The following DOCK1 variants were observed in gnomAD, a reference collection of about 807,000 sequenced individuals.
DOCK1 encodes dedicator of cytokinesis 1, also known as dedicator of cytokinesis protein 1.
DOCK1 carries 138 observed loss-of-function variants against 262.7 expected under a neutral mutation model. That is an observed-to-expected ratio of 0.53 (90% CI 0.46 to 0.61). DOCK1 has a LOEUF of 0.61. DOCK1 is among the 20% of genes least tolerant of loss of function. The pLI is 0.00. For missense variants in DOCK1, 1,908 were observed against 2,370.7 expected (o/e 0.80, Z 4.05); for synonymous variants, 866 against 867.4 (o/e 1.00, Z 0.03).
chr10:127,203,468 G>A (rs756312340), intron 27 of DOCK1, among the ~76,000 whole-genome samples: 3 of 152,012 alleles, frequency 2.0e-5, no homozygotes, highest in African/African-American at 4.8e-5. Flanking sequence ...TATTTATTTC[G>A]CAGCGTGGCT....
chr10:127,146,624 C>T (rs2051880504), intron 27 of DOCK1, among the ~76,000 whole-genome samples: 1 of 152,262 alleles, frequency 6.6e-6, no homozygotes, highest in Admixed American at 6.5e-5. Context: ...TACCCTGTCA[C>T]TCACCATAAA....
In DOCK1 at chr10:127,433,328, G is replaced by T. The variant is rs542877171; in HGVS notation, c.4960G>T (p.Val1654Leu). Residue 1654 changes from valine to leucine, a missense_variant, in exon 48 of 52, where the codon GTG (valine) becomes TTG (leucine). Coordinates refer to ENST00000623213, the MANE Select transcript of DOCK1 (RefSeq NM_001290223.2). The part of the protein sequence containing the change: ...DRRGSRPRSM[V>L]RSFTMPSSSR... Reference sequence around the variant, plus strand: ...AAGAGGCAGCCGCCCCCGGTCCATGGTGCGGTCCTTCACGATGCCTTCCTC... The same window carrying T: ...AAGAGGCAGCCGCCCCCGGTCCATGTTGCGGTCCTTCACGATGCCTTCCTC... The T allele has an allele frequency of 1.9e-6, 3 of 1,613,972 alleles. No individual in the cohort carries two copies. In the South Asian group the frequency reaches 3.3e-5, roughly 18 times the overall value.
At chr10:126,972,216 T>A (rs2038166943) in intron 2 of DOCK1, among the ~76,000 whole-genome samples, 1 of 152,228 alleles carries the variant, frequency 6.6e-6, no homozygotes, top group African/African-American at 2.4e-5. Context: ...GTGCCCGTCC[T>A]GAAGCAATTG....
intron 2 of DOCK1, among the ~76,000 whole-genome samples, chr10:126,973,860 T>C (rs1003849756): frequency 6.6e-6 from 1 of 152,236 alleles, no homozygotes; most frequent in Non-Finnish European, 1.5e-5. Context: ...AGATGACTTT[T>C]TGGTTTAGCA....
At chr10:127,223,889 G>T (rs993260717) in intron 27 of DOCK1, among the ~76,000 whole-genome samples, 1 of 152,148 alleles carries the variant, frequency 6.6e-6, no homozygotes, top group African/African-American at 2.4e-5. Context: ...GTGGAGCTTG[G>T]TTACTTGTCT....
intron 27 of DOCK1, among the ~76,000 whole-genome samples, chr10:127,144,963 CATT>C (rs149158539): frequency 0.043 from 6,490 of 152,208 alleles, 355 homozygotes; most frequent in African/African-American, 0.13. Flanking sequence ...TTTAAAAAAG[CATT>C]AGCCAGATAT....
intron 11 of DOCK1, among the ~76,000 whole-genome samples, chr10:127,010,862 G>A (rs1459347860): frequency 1.3e-5 from 2 of 152,200 alleles, no homozygotes; most frequent in South Asian, 2.1e-4. Flanking sequence ...GACCTCAGAG[G>A]TTCTTGATGC....
intron 23 of DOCK1, among the ~76,000 whole-genome samples, chr10:127,089,735 T>A (rs1214998803): frequency 6.6e-6 from 1 of 152,172 alleles, no homozygotes; most frequent in South Asian, 2.1e-4. Flanking sequence ...TGGATGCTCT[T>A]GTCTCCAGGA....
rs114668297 is a variant in DOCK1 at position 127,401,981 on chromosome 10, G to A, written c.3928-1074G>A. On this transcript the variant is annotated intron_variant, in intron 38 of 51. Transcript: ENST00000623213. The stretch of plus-strand genomic sequence containing the variant: ...GCCTGTTGGGTGGTTCCAAAGCTGC[G>A]TGGTTCCCCTCAGGACTGGCGCTAC... Among the ~76,000 whole-genome samples, 342 of 152,304 alleles carry A rather than the reference G, an allele frequency of 2.2e-3. 1 individual carries two copies. The highest frequency in any genetic ancestry group is 7.5e-3 in the African/African-American group (311 of 41,556).
At chr10:127,244,123 G>T (rs1183413696) in intron 27 of DOCK1, among the ~76,000 whole-genome samples, 1 of 151,756 alleles carries the variant, frequency 6.6e-6, no homozygotes, top group African/African-American at 2.4e-5. Context: ...AAAAATATAG[G>T]ACCCCCAGTT....
At chr10:127,226,079 CAAAA>C (rs58963480) in intron 27 of DOCK1, among the ~76,000 whole-genome samples, 3 of 94,610 alleles carry the variant, frequency 3.2e-5, no homozygotes, top group Non-Finnish European at 4.4e-5. Context: ...GACTCTGTCT[CAAAA>C]AAAAAAAAAA....
rs1021844807 is a variant in DOCK1, at chr10:126,948,436, A to G, written c.47-22266A>G. 7.7e-5 allele frequency among the ~76,000 whole-genome samples: 11 copies of G among 143,360 alleles called. 3 individuals are homozygous for G. The highest frequency in any genetic ancestry group is 4.7e-5 in the Non-Finnish European group (3 of 64,220). The allele number at this position is 143,360 out of a possible 152,430, so 94.0% of individuals were successfully genotyped here. A position where few individuals can be genotyped will look rare whatever the true frequency, so the allele number is the denominator to read the frequency against. On this transcript the variant is annotated intron_variant, in intron 1 of 51. Coordinates refer to ENST00000623213, the MANE Select transcript of DOCK1 (RefSeq NM_001290223.2). ...TGGTGGTGATGGTGGTGGTGGTGGT[A>G]ATACTGCTGGTGGTGATTGTGTTGG...
rs556015406 is a variant in DOCK1 at position 127,391,779 on chromosome 10, G to A, written c.3927+6870G>A. Among the ~76,000 whole-genome samples, 23 of 152,124 alleles carry A rather than the reference G, an allele frequency of 1.5e-4. No homozygotes were observed. In the South Asian group the frequency reaches 4.6e-3, roughly 30 times the overall value. ...TAAGCTCTCGGTCCCTCTCACCTGG[G>A]TCTGTCTGAGATCCCTACCCACTCT... On this transcript the variant is annotated intron_variant, in intron 38 of 51. Coordinates refer to ENST00000623213, the MANE Select transcript of DOCK1 (RefSeq NM_001290223.2).
At chr10:126,931,119 G>A (rs958766202) in intron 1 of DOCK1, among the ~76,000 whole-genome samples, 2 of 152,088 alleles carry the variant, frequency 1.3e-5, no homozygotes, top group Non-Finnish European at 2.9e-5. Flanking sequence ...GACCCAGGAG[G>A]GATGGAGTAT....
At position 127,451,568 on chromosome 10, in the gene DOCK1, T is replaced by C; in HGVS notation, c.*141T>C. 5 of 1,500,582 alleles carry C rather than the reference T, an allele frequency of 3.3e-6. No individual in the cohort carries two copies. The highest frequency in any genetic ancestry group is 4.4e-6 in the Non-Finnish European group (5 of 1,125,014). 93.0% of individuals were successfully genotyped at this position (1,500,582 alleles called of 1,614,324 possible). On this transcript the variant is annotated 3_prime_UTR_variant, in exon 52 of 52. Transcript: ENST00000623213. The stretch of plus-strand genomic sequence containing the variant: ...GCGACTGCTTTTTCTTCAAAGGAGT[T>C]CAGTTCTCACCATGGAGTGAGTGGC...
At chr10:127,019,213 T>G (rs1400323152) in intron 13 of DOCK1, among the ~76,000 whole-genome samples, 1 of 152,352 alleles carries the variant, frequency 6.6e-6, no homozygotes, top group East Asian at 1.9e-4. Flanking sequence ...TGGAAATGCC[T>G]GTGCCTGCGC....
Position 127,175,312 on chromosome 10 carries a change from G to A in DOCK1, c.2847+47548G>A, listed in dbSNP as rs2054979885. ...CTGATCAAGTTCTCCATCATCTGAA[G>A]TTGTGCTTTGAGGTCGACCACTTCC... On this transcript the variant is annotated intron_variant, in intron 27 of 51. Transcript: ENST00000623213. This position sits in a 1 kb window ranked among gnomAD's most constrained non-coding sequence, Gnocchi z 6.3. 6.2e-7 allele frequency: 1 copy of A among 1,614,152 alleles called. No individual in the cohort carries two copies. The highest frequency in any genetic ancestry group is 8.5e-7 in the Non-Finnish European group (1 of 1,180,032).
intron 21 of DOCK1, among the ~76,000 whole-genome samples, chr10:127,044,238 A>G (rs1305454998): frequency 6.6e-6 from 1 of 152,126 alleles, no homozygotes; most frequent in Non-Finnish European, 1.5e-5. Context: ...CTCAGGTCAG[A>G]GGACTCTGGC....
chr10:127,339,081 A>G lies in DOCK1; in HGVS notation c.3120A>G (p.Leu1040=), dbSNP rs1251547215. The G allele has an allele frequency of 6.4e-7, 1 of 1,570,632 alleles. No homozygotes were observed. Among genetic ancestry groups the G allele is most frequent in the Non-Finnish European group, 8.6e-7 (1 of 1,157,400 alleles). The change falls in exon 30 of 52, where the codon CTA becomes CTG. Residue 1040 remains leucine, a synonymous_variant. Coordinates refer to ENST00000623213, the MANE Select transcript of DOCK1 (RefSeq NM_001290223.2). ...KKFLDQANFE[L]QLWNNYFHLA... ...TTCTGGATCAAGCCAACTTTGAGCT[A>G]CAGGTAAGAGAAGAGGTAGACACGA...
Sources: allele counts gnomAD v4.1 joint callset (sites outside exome capture counted in the v4.1 genomes callset), GRCh38; gene constraint gnomAD v4.1.1; non-coding constraint Gnocchi (gnomAD v3.1); transcripts MANE v1.5; gene names NCBI Gene and HGNC (gene_info 2026-07-23, HGNC 2026-07-21).